Variants in MAK observed in about 807,000 individuals in gnomAD.
MAK encodes the protein serine/threonine-protein kinase MAK.
A neutral mutation model predicts 82.6 loss-of-function variants in MAK; 65 were observed. The ratio of observed to expected loss-of-function variants is 0.79; its 90% CI spans 0.64 to 0.97. The LOEUF (loss-of-function observed/expected upper bound fraction) is 0.97, where lower values mean the gene tolerates loss of function less well. Among genes scored for constraint, MAK ranks in the 50% least tolerant of loss-of-function variants. The pLI, the probability that MAK is intolerant of heterozygous loss-of-function variation, is 0.00. For synonymous variants in MAK, 250 were observed against 274.2 expected (o/e 0.91, Z 0.87); for missense variants, 703 against 780.2 (o/e 0.90, Z 1.18).
At chr6:10,782,641 C>T (rs1774101096) in intron 11 of MAK, among the ~76,000 whole-genome samples, 1 of 148,190 alleles carries the variant, frequency 6.7e-6, no homozygotes, top group African/African-American at 2.5e-5. Context: ...TGCAGCGGTG[C>T]CATCTCGGCT....
chr6:10,785,085 T>C (rs549921272), intron 10 of MAK, among the ~76,000 whole-genome samples: 1 of 152,336 alleles, frequency 6.6e-6, no homozygotes, highest in South Asian at 2.1e-4. Flanking sequence ...TGCCTGTGTC[T>C]CAGCCAGAAC....
At chr6:10,777,234 C>A (rs1475552244) in intron 11 of MAK, among the ~76,000 whole-genome samples, 2 of 151,892 alleles carry the variant, frequency 1.3e-5, no homozygotes, top group African/African-American at 4.8e-5. Context: ...TGGTGAGACC[C>A]TGTCTCTACT....
chr6:10,764,754 A>T, intron 14 of MAK, 148 bp from the exon 15 acceptor site: 1 of 831,746 alleles, frequency 1.2e-6, no homozygotes, highest in Admixed American at 2.1e-5. Context: ...TTTAAATGTT[A>T]AAACCAAAAA....
At chr6:10,765,786 C>T (rs1379552551) in intron 14 of MAK, among the ~76,000 whole-genome samples, 1 of 152,094 alleles carries the variant, frequency 6.6e-6, no homozygotes, top group East Asian at 1.9e-4. Flanking sequence ...GCACCCGGCC[C>T]ATACTTCATT....
At position 10,776,626 on chromosome 6, in the gene MAK, A is replaced by G. The variant is rs1260683001; in HGVS notation, c.1466-1167T>C. The stretch of plus-strand genomic sequence containing the variant: ...GAGCTGGATTCCTTAGAAAGGTTTC[A>G]TATGTATGAGATATATAATAATATC... On this transcript the variant is annotated intron_variant, in intron 11 of 14. Coordinates refer to ENST00000354489, the MANE Select transcript of MAK (RefSeq NM_001242957.3). The surrounding 1 kb of genome is among the most constrained non-coding windows in gnomAD (Gnocchi z 4.3). 1.3e-5 allele frequency among the ~76,000 whole-genome samples: 2 copies of G among 152,190 alleles called. No individual in the cohort carries two copies. Among genetic ancestry groups the G allele is most frequent in the Admixed American group, 1.3e-4 (2 of 15,262 alleles).
chr6:10,822,018 G>C (rs1338347980), intron 2 of MAK, among the ~76,000 whole-genome samples: 1 of 151,548 alleles, frequency 6.6e-6, no homozygotes, highest in Non-Finnish European at 1.5e-5. Context: ...GTGGTGGCGG[G>C]CGCCTGTAGT....
rs765130030 is a variant in MAK at position 10,813,004 on chromosome 6, A to AT, written c.358+639dup. The stretch of plus-strand genomic sequence containing the variant: ...GGTCTCGAACTCCTGACCTAAGGTG[A>AT]TCCCCCCCCCCGCCTCGGCCTCCCA... On this transcript the variant is annotated intron_variant, in intron 5 of 14. Transcript: ENST00000354489. Among the ~76,000 whole-genome samples, 70 of 127,948 alleles carry AT rather than the reference A, an allele frequency of 5.5e-4. 1 individual carries two copies. Among genetic ancestry groups the AT allele is most frequent in the Middle Eastern group, 9.6e-3 (2 of 208 alleles). The allele number at this position is 127,948 out of a possible 152,430, so 83.9% of individuals were successfully genotyped here.
chr6:10,779,427 C>T, intron 11 of MAK: 1 of 985,308 alleles, frequency 1.0e-6, no homozygotes, highest in Non-Finnish European at 1.2e-6. Context: ...GTAACTATGA[C>T]TCTTGCGTCT....
At chr6:10,827,233 C>T (rs1052257274) in intron 2 of MAK, among the ~76,000 whole-genome samples, 3 of 152,284 alleles carry the variant, frequency 2.0e-5, no homozygotes, top group Non-Finnish European at 4.4e-5. Flanking sequence ...ATCTGTGGGA[C>T]TGTACCCAAG....
At chr6:10,779,191 G>A (rs887025874) in intron 11 of MAK, 11 of 200,226 alleles carry the variant, frequency 5.5e-5, no homozygotes, top group African/African-American at 2.6e-4. Flanking sequence ...GCCAGCAGTG[G>A]TGGCATCGAT....
rs1430317481 is a variant in MAK at position 10,803,715 on chromosome 6, C to T, written c.663+5G>A. On this transcript the variant is annotated splice_donor_5th_base_variant and intron_variant, in intron 7 of 14. Transcript: ENST00000354489. ...TTATAGCAACTTAGGGACAAGAGTA[C>T]TTACTTTTTTGGGAGTCCCTAAAAC... The T allele has an allele frequency of 6.2e-7, 1 of 1,612,132 alleles. No homozygotes were observed. Among genetic ancestry groups the T allele is most frequent in the African/African-American group, 1.3e-5 (1 of 74,946 alleles).
intron 8 of MAK, among the ~76,000 whole-genome samples, chr6:10,801,216 T>C (rs890475553): frequency 2.0e-5 from 3 of 152,218 alleles, no homozygotes; most frequent in African/African-American, 7.2e-5. Flanking sequence ...TTTCTCAAGA[T>C]TAATTTTAAA....
At chr6:10,781,940 G>C (rs925310107) in intron 11 of MAK, among the ~76,000 whole-genome samples, 6 of 152,040 alleles carry the variant, frequency 3.9e-5, no homozygotes, top group African/African-American at 1.4e-4. Context: ...GGGTGTTGTG[G>C]TTCACGCCTG....
At chr6:10,827,615 T>C (rs1581771038) in intron 2 of MAK, 2 of 152,340 alleles carry the variant, frequency 1.3e-5, no homozygotes, top group East Asian at 3.9e-4. Flanking sequence ...CACATTAATA[T>C]GAATTATGTA....
At chr6:10,796,378 G>A (rs1282851377) in intron 8 of MAK, 69 bp from the exon 9 acceptor site, 12 of 1,328,218 alleles carry the variant, frequency 9.0e-6, no homozygotes, top group African/African-American at 5.8e-5. Context: ...ATAAACTATG[G>A]TTGGCCCTGT....
At chr6:10,765,096 C>CA (rs35882467) in intron 14 of MAK, among the ~76,000 whole-genome samples, 27 of 137,290 alleles carry the variant, frequency 2.0e-4, no homozygotes, top group African/African-American at 3.8e-4. Flanking sequence ...AACTCCATCT[C>CA]AAAAAAAAAA....
At chr6:10,792,622 G>A (rs1315691293) in intron 9 of MAK, among the ~76,000 whole-genome samples, 5 of 152,326 alleles carry the variant, frequency 3.3e-5, no homozygotes, top group Admixed American at 3.3e-4. Context: ...CAAATTTACA[G>A]AAAGTGGTTT....
At chr6:10,796,612 CCCGA>C (rs1395894043) in intron 8 of MAK, among the ~76,000 whole-genome samples, 2 of 152,082 alleles carry the variant, frequency 1.3e-5, no homozygotes, top group Non-Finnish European at 2.9e-5. Flanking sequence ...TCAAGACCAG[CCCGA>C]CCAACATGGT....
intron 11 of MAK, 63 bp downstream of exon 11, chr6:10,784,361 G>C: frequency 6.4e-7 from 1 of 1,571,208 alleles, no homozygotes; most frequent in Non-Finnish European, 8.8e-7. Context: ...GAGATTCCAA[G>C]ACACTTGAAC....
Sources: allele counts gnomAD v4.1 joint callset (sites outside exome capture counted in the v4.1 genomes callset), GRCh38; gene constraint gnomAD v4.1.1; non-coding constraint Gnocchi (gnomAD v3.1); transcripts MANE v1.5; gene names NCBI Gene and HGNC (gene_info 2026-07-23, HGNC 2026-07-21).